KCNQ1: variants seen among roughly 807,000 people sequenced by gnomAD.
KCNQ1 encodes the protein potassium voltage-gated channel subfamily Q member 1, also known as potassium voltage-gated channel subfamily KQT member 1.
Under a neutral mutation model 72.4 loss-of-function variants are expected in KCNQ1, and 49 were observed. That is an observed-to-expected ratio of 0.68 (90% CI 0.54 to 0.86). KCNQ1 has a LOEUF of 0.86. KCNQ1 is among the 40% of genes least tolerant of loss of function. KCNQ1 has a pLI of 0.00. For missense variants in KCNQ1, 790 were observed against 945.1 expected (o/e 0.84, Z 2.15); for synonymous variants, 450 against 412.6 (o/e 1.09, Z -1.10).
chr11:2,799,375 A>AGTGTGTGTGT (rs3079043), intron 15 of KCNQ1, among the ~76,000 whole-genome samples: 2,910 of 147,344 alleles, frequency 0.02, 28 homozygotes, highest in Non-Finnish European at 0.025. Flanking sequence ...TGTAAGTTCG[A>AGTGTGTGTGT]GTGTGTGTGT....
chr11:2,598,118 T>C lies in KCNQ1; in HGVS notation c.1393+9264T>C, dbSNP rs1485021193. ...GGCTAACTCTATTTTTGTTTTCTTT[T>C]ACTTAAGAGTCATAGTTCATTTATT... On this transcript the variant is annotated intron_variant, in intron 10 of 15. Transcript: ENST00000155840. The surrounding 1 kb of genome is among the most constrained non-coding windows in gnomAD (Gnocchi z 6.2). 6.6e-6 allele frequency among the ~76,000 whole-genome samples: 1 copy of C among 152,204 alleles called. No individual in the cohort carries two copies. The highest frequency in any genetic ancestry group is 1.5e-5 in the Non-Finnish European group (1 of 68,026).
rs184199015 is a variant in KCNQ1, at chr11:2,456,050, T to C, written c.386+10566T>C. Among the ~76,000 whole-genome samples the C allele has an allele frequency of 2.6e-5, 4 of 152,238 alleles. No homozygotes were observed. The East Asian group carries it at 7.7e-4, about 29-fold the overall frequency. ...ACCATATACAAAAATTAAAGACAGA[T>C]TAGACGTGGCCAGGCACAGTGGCTC... On this transcript the variant is annotated intron_variant, in intron 1 of 15. Transcript: ENST00000155840.
At chr11:2,619,381 A>G in intron 10 of KCNQ1, 3 of 398,578 alleles carry the variant, frequency 7.5e-6, no homozygotes, top group Non-Finnish European at 1.3e-5. Context: ...TTTATCAACA[A>G]AGGATGTTCA....
At chr11:2,485,401 C>G (rs1846725850) in intron 1 of KCNQ1, among the ~76,000 whole-genome samples, 1 of 145,428 alleles carries the variant, frequency 6.9e-6, no homozygotes, top group African/African-American at 2.5e-5. Flanking sequence ...AGCTCTTCAG[C>G]CTTTCATGTC....
chr11:2,677,691 T>C lies in KCNQ1; in HGVS notation c.1514+15610T>C. 2.5e-6 allele frequency: 1 copy of C among 398,638 alleles called. No homozygotes were observed. Among genetic ancestry groups the C allele is most frequent in the Non-Finnish European group, 4.4e-6 (1 of 226,054 alleles). 24.7% of individuals were successfully genotyped at this position (398,638 alleles called of 1,614,324 possible). The stretch of plus-strand genomic sequence containing the variant: ...AAATAATATTTTAACTACTGTTATT[T>C]TTCAAATTAACTTCCCAATCAAATA... On this transcript the variant is annotated intron_variant, in intron 11 of 15. Transcript: ENST00000155840. The surrounding 1 kb of genome is among the most constrained non-coding windows in gnomAD (Gnocchi z 4.5).
At chr11:2,577,400 A>C (rs571276916) in intron 6 of KCNQ1, among the ~76,000 whole-genome samples, 1 of 152,294 alleles carries the variant, frequency 6.6e-6, no homozygotes, top group Admixed American at 6.5e-5. Context: ...AGACCTCAAG[A>C]CACAGTCACC....
At chr11:2,453,563 A>G (rs74048621) in intron 1 of KCNQ1, among the ~76,000 whole-genome samples, 5,095 of 152,304 alleles carry the variant, frequency 0.033, 258 homozygotes, top group African/African-American at 0.11. Context: ...ACATGTGAGA[A>G]GGTGCCGCCT....
At chr11:2,726,513 C>G (rs1322768789) in intron 11 of KCNQ1, among the ~76,000 whole-genome samples, 9 of 152,094 alleles carry the variant, frequency 5.9e-5, no homozygotes, top group Non-Finnish European at 1.0e-4. Context: ...AGGTTCCAGC[C>G]GTCCCCCACC....
Position 2,666,971 on chromosome 11 carries a change from G to A in KCNQ1, c.1514+4890G>A, listed in dbSNP as rs536499927. 3.8e-4 allele frequency: 151 copies of A among 398,722 alleles called. 1 individual carries two copies. The highest frequency in any genetic ancestry group is 3.3e-4 in the Non-Finnish European group (74 of 226,130). The allele number at this position is 398,722 out of a possible 1,614,324, so 24.7% of individuals were successfully genotyped here. On this transcript the variant is annotated intron_variant, in intron 11 of 15. Coordinates refer to ENST00000155840, the MANE Select transcript of KCNQ1 (RefSeq NM_000218.3). ...GAGATGCCAAGGAAGCCCTCTGGGGGCCCGCCCGGGAGGGCTGTACAGGGC... is the reference window on the plus strand; with the variant it reads ...GAGATGCCAAGGAAGCCCTCTGGGGACCCGCCCGGGAGGGCTGTACAGGGC...
rs1847439458 is a variant in KCNQ1 at position 2,809,255 on chromosome 11, G to T, written c.1794+31218G>T. On this transcript the variant is annotated intron_variant, in intron 15 of 15. Transcript: ENST00000155840. This position sits in a 1 kb window ranked among gnomAD's most constrained non-coding sequence, Gnocchi z 7.1. Reference sequence around the variant, plus strand: ...AAGGAATTGCTGAATTCAGATAAATGTTTCTTCACCAAAAGAGAAATTCAT... The same window carrying T: ...AAGGAATTGCTGAATTCAGATAAATTTTTCTTCACCAAAAGAGAAATTCAT... 6.6e-6 allele frequency among the ~76,000 whole-genome samples: 1 copy of T among 152,178 alleles called. No individual in the cohort carries two copies. Among genetic ancestry groups the T allele is most frequent in the African/African-American group, 2.4e-5 (1 of 41,438 alleles).
chr11:2,448,802 G>A (rs1434907402), intron 1 of KCNQ1, among the ~76,000 whole-genome samples: 1 of 152,200 alleles, frequency 6.6e-6, no homozygotes, highest in Non-Finnish European at 1.5e-5. Flanking sequence ...GGCTGTCTGG[G>A]GTCCCCTCAC....
At chr11:2,806,414 A>G (rs1014669730) in intron 15 of KCNQ1, among the ~76,000 whole-genome samples, 3 of 152,132 alleles carry the variant, frequency 2.0e-5, no homozygotes, top group Non-Finnish European at 2.9e-5. Flanking sequence ...CTGGGGCCAC[A>G]TGGGCCACTG....
chr11:2,845,937 G>A lies in KCNQ1; in HGVS notation c.1795-1830G>A, dbSNP rs2583413. Among the ~76,000 whole-genome samples, 5 of 152,254 alleles carry A rather than the reference G, an allele frequency of 3.3e-5. No homozygotes were observed. In the East Asian group the frequency reaches 5.8e-4, roughly 18 times the overall value. On this transcript the variant is annotated intron_variant, in intron 15 of 15. Transcript: ENST00000155840. ...CTCCGTGGTAGGTGCTGTGGGTGAC[G>A]ACCACAGCACCCAGCCTTTGAAGCT...
intron 11 of KCNQ1, chr11:2,686,082 T>C (rs914867211): frequency 2.5e-6 from 1 of 399,002 alleles, no homozygotes. Context: ...AGGGCCAGCA[T>C]TGAGTAGGCC....
rs956196825 is a variant in KCNQ1 at position 2,713,298 on chromosome 11, T to C, written c.1514+51217T>C. ...CCCTGAATCACATTGTTCACTGCGC[T>C]TCTCAGGCCTTCTGGGCTCTTCCTC... On this transcript the variant is annotated intron_variant, in intron 11 of 15. Transcript: ENST00000155840. This position sits in a 1 kb window ranked among gnomAD's most constrained non-coding sequence, Gnocchi z 5.6. Among the ~76,000 whole-genome samples, 4 of 152,132 alleles carry C rather than the reference T, an allele frequency of 2.6e-5. No individual in the cohort carries two copies. Among genetic ancestry groups the C allele is most frequent in the African/African-American group, 9.7e-5 (4 of 41,428 alleles).
intron 11 of KCNQ1, chr11:2,696,919 C>G (rs764065112): frequency 7.5e-6 from 3 of 398,270 alleles, no homozygotes; most frequent in Non-Finnish European, 1.3e-5. Flanking sequence ...GATCTTATAT[C>G]CAAAACCTCT....
Position 2,603,958 on chromosome 11 carries a change from T to A in KCNQ1, c.1393+15104T>A, listed in dbSNP as rs147497622. Among the ~76,000 whole-genome samples, 1,376 of 152,228 alleles carry A rather than the reference T, an allele frequency of 9.0e-3. 26 individuals carry two copies. Among genetic ancestry groups the A allele is most frequent in the South Asian group, 0.05 (240 of 4,828 alleles). ...CGCCCACCTCGGCCTCCTAACCTGC[T>A]GGGACCACAGGCGTGAGCCACTGCA... is the stretch of plus-strand genomic sequence containing the variant. On this transcript the variant is annotated intron_variant, in intron 10 of 15. Transcript: ENST00000155840. This position sits in a 1 kb window ranked among gnomAD's most constrained non-coding sequence, Gnocchi z 4.1.
chr11:2,452,138 A>G (rs1846126754), intron 1 of KCNQ1, among the ~76,000 whole-genome samples: 1 of 152,050 alleles, frequency 6.6e-6, no homozygotes. Flanking sequence ...CTTTCCCTCC[A>G]TATCTGCTAA....
At position 2,491,558 on chromosome 11, in the gene KCNQ1, G is replaced by A. The variant is rs952990442; in HGVS notation, c.387-36370G>A. Among the ~76,000 whole-genome samples the A allele has an allele frequency of 2.0e-5, 3 of 152,198 alleles. No individual in the cohort carries two copies. The highest frequency in any genetic ancestry group is 2.1e-4 in the South Asian group (1 of 4,822). Reference sequence around the variant, plus strand: ...TACACAGAGGAGACAGAATAAGAACGAATGAAGCATGATCTAGAAAATAGC... The same window carrying A: ...TACACAGAGGAGACAGAATAAGAACAAATGAAGCATGATCTAGAAAATAGC... On this transcript the variant is annotated intron_variant, in intron 1 of 15. Transcript: ENST00000155840. This position sits in a 1 kb window ranked among gnomAD's most constrained non-coding sequence, Gnocchi z 4.1.
Sources: gnomAD v4.1 joint callset for allele counts (sites outside exome capture counted in the v4.1 genomes callset) on GRCh38, gnomAD v4.1.1 for gene constraint, Gnocchi (gnomAD v3.1) non-coding constraint, MANE v1.5 for transcripts, NCBI Gene and HGNC (gene_info 2026-07-23, HGNC 2026-07-21) for gene names.